LAP3: variants seen among roughly 807,000 people sequenced by gnomAD.
The protein encoded by LAP3 is cytosol aminopeptidase.
In LAP3, 46 loss-of-function variants were observed where a neutral mutation model predicts 58.8. The observed-to-expected ratio is 0.78, with a 90% CI of 0.62 to 1.00. The LOEUF is 1.00. Among genes scored for constraint, LAP3 ranks in the 50% least tolerant of loss-of-function variants. The pLI, the probability that LAP3 is intolerant of heterozygous loss-of-function variation, is 0.00. For missense variants in LAP3, 615 were observed against 659.1 expected (o/e 0.93, Z 0.73); for synonymous variants, 257 against 237.7 (o/e 1.08, Z -0.75).
rs1053641967 is a variant in LAP3, at chr4:17,590,632, C to T, written c.863+1655C>T. ...TGTTGCCCAGGCTGGAGTGCAGTGGCGTAATCTCGGCTCACTGCAAGCTCC... is the reference window on the plus strand; with the variant it reads ...TGTTGCCCAGGCTGGAGTGCAGTGGTGTAATCTCGGCTCACTGCAAGCTCC... On this transcript the variant is annotated intron_variant, in intron 7 of 12. Coordinates refer to ENST00000226299, the MANE Select transcript of LAP3 (RefSeq NM_015907.3). 3.3e-5 allele frequency among the ~76,000 whole-genome samples: 5 copies of T among 151,972 alleles called. No homozygotes were observed. In the East Asian group the frequency reaches 5.8e-4, roughly 18 times the overall value.
In LAP3 at chr4:17,580,061, G is replaced by T. The variant is rs1234539555; in HGVS notation, c.218+122G>T. ...TGCCCAGGCTGGAGTGCAGTGGCACGATCTTGACTCACTTCAACCTCTGCC... is the reference window on the plus strand; with the variant it reads ...TGCCCAGGCTGGAGTGCAGTGGCACTATCTTGACTCACTTCAACCTCTGCC... On this transcript the variant is annotated intron_variant, in intron 2 of 12. Transcript: ENST00000226299. 9.4e-6 allele frequency: 5 copies of T among 529,746 alleles called. No individual in the cohort carries two copies. In the East Asian group the frequency reaches 1.8e-4, roughly 19 times the overall value. 32.8% of individuals were successfully genotyped at this position (529,746 alleles called of 1,614,324 possible).
rs1714188766 is a variant in LAP3, at chr4:17,607,920, T to G, written c.*331T>G. On this transcript the variant is annotated 3_prime_UTR_variant, in exon 13 of 13. Transcript: ENST00000226299. Reference sequence around the variant, plus strand: ...TGTGATGCTAGGAACATGAGCAAACTGAAAATTACTATGCACTTGTCAGAA... The same window carrying G: ...TGTGATGCTAGGAACATGAGCAAACGGAAAATTACTATGCACTTGTCAGAA... 1 of 191,342 alleles carries G rather than the reference T, an allele frequency of 5.2e-6. No individual in the cohort carries two copies. The highest frequency in any genetic ancestry group is 2.4e-5 in the African/African-American group (1 of 42,522). 11.9% of individuals were successfully genotyped at this position (191,342 alleles called of 1,614,324 possible). A position where few individuals can be genotyped will look rare whatever the true frequency, so the allele number is the denominator to read the frequency against.
Position 17,583,537 on chromosome 4 carries a change from GT to G in LAP3, c.435del (p.Cys145TrpfsTer21). The part of the protein sequence containing the change: ...LELSSVEVDP[C>X]GDAQAAAEGA... ...CTCTCGTCTGTGGAGGTGGATCCCT[GT>G]GGAGACGCTCAGGCTGCTGCGGAGG... On this transcript the variant is annotated frameshift_variant, in exon 5 of 13. Coordinates refer to ENST00000226299, the MANE Select transcript of LAP3 (RefSeq NM_015907.3). LOFTEE classifies it high-confidence loss of function. The G allele has an allele frequency of 6.2e-7, 1 of 1,614,192 alleles. No individual in the cohort carries two copies. Among genetic ancestry groups the G allele is most frequent in the Non-Finnish European group, 8.5e-7 (1 of 1,180,038 alleles).
chr4:17,598,571 A>G lies in LAP3; in HGVS notation c.1180+13A>G, dbSNP rs767707726. On this transcript the variant is annotated intron_variant, in intron 10 of 12. Coordinates refer to ENST00000226299, the MANE Select transcript of LAP3 (RefSeq NM_015907.3). ...GCCACCTTAACAGGTCAGACCGCGC[A>G]CTTGCCTTGATTTTGTTTGAAGGAA... 7.6e-6 allele frequency: 12 copies of G among 1,574,928 alleles called. No individual in the cohort carries two copies. The highest frequency in any genetic ancestry group is 8.7e-6 in the Non-Finnish European group (10 of 1,144,636).
At chr4:17,598,859 C>A (rs1270012782) in intron 10 of LAP3, among the ~76,000 whole-genome samples, 1 of 152,014 alleles carries the variant, frequency 6.6e-6, no homozygotes, top group Non-Finnish European at 1.5e-5. Flanking sequence ...GCCTCAGCCT[C>A]CCAAGTAGCT....
chr4:17,606,150 T>C (rs16895296), intron 11 of LAP3, among the ~76,000 whole-genome samples: 3,642 of 152,200 alleles, frequency 0.024, 137 homozygotes, highest in African/African-American at 0.078. Flanking sequence ...AATGTGGTCA[T>C]CCTGTCTCAG....
chr4:17,589,005 A>G, intron 7 of LAP3, 28 bp downstream of exon 7: 1 of 1,597,204 alleles, frequency 6.3e-7, no homozygotes, highest in Non-Finnish European at 8.5e-7. Context: ...CGTGCTTTGT[A>G]TTTTGGTGAA....
At chr4:17,583,351 A>G in intron 4 of LAP3, 132 bp from the exon 5 acceptor site, 1 of 903,400 alleles carries the variant, frequency 1.1e-6, no homozygotes, top group South Asian at 1.6e-5. Flanking sequence ...TGAGGCTCAG[A>G]ACATTCGGGT....
chr4:17,577,454 C>A lies in LAP3; in HGVS notation c.-12C>A. 1 of 1,547,004 alleles carries A rather than the reference C, an allele frequency of 6.5e-7. No homozygotes were observed. The highest frequency in any genetic ancestry group is 8.7e-7 in the Non-Finnish European group (1 of 1,147,148). On this transcript the variant is annotated 5_prime_UTR_variant, in exon 1 of 13. Coordinates refer to ENST00000226299, the MANE Select transcript of LAP3 (RefSeq NM_015907.3). ...CTCGCTGGAGGGCGGTGCGAGGGGCCGAGCCGACAAGATGTTCTTGCTGCC... is the reference window on the plus strand; with the variant it reads ...CTCGCTGGAGGGCGGTGCGAGGGGCAGAGCCGACAAGATGTTCTTGCTGCC...
intron 10 of LAP3, among the ~76,000 whole-genome samples, chr4:17,599,105 A>C (rs10003291): frequency 0.72 from 109,955 of 151,766 alleles, 40,599 homozygotes; most frequent in East Asian, 0.93. Flanking sequence ...ACTCCTGACC[A>C]AGGTGATTCA....
At chr4:17,605,016 G>A (rs940296925) in intron 11 of LAP3, among the ~76,000 whole-genome samples, 6 of 151,940 alleles carry the variant, frequency 3.9e-5, no homozygotes, top group Admixed American at 1.3e-4. Context: ...GTCATATAAG[G>A]GAGTTCACCC....
chr4:17,577,449 G>C lies in LAP3; in HGVS notation c.-17G>C, dbSNP rs1713228371. The C allele has an allele frequency of 6.5e-7, 1 of 1,537,928 alleles. No homozygotes were observed. The highest frequency in any genetic ancestry group is 8.8e-7 in the Non-Finnish European group (1 of 1,141,532). On this transcript the variant is annotated 5_prime_UTR_variant, in exon 1 of 13. Coordinates refer to ENST00000226299, the MANE Select transcript of LAP3 (RefSeq NM_015907.3). ...ACGTGCTCGCTGGAGGGCGGTGCGA[G>C]GGGCCGAGCCGACAAGATGTTCTTG...
rs746681938 is a variant in LAP3 at position 17,604,561 on chromosome 4, C to G, written c.1181-27C>G. 1.9e-6 allele frequency: 3 copies of G among 1,600,736 alleles called. No homozygotes were observed. The Middle Eastern group carries it at 5.0e-4, about 266-fold the overall frequency. Reference sequence around the variant, plus strand: ...GCCCATTTTGCCTGGAGAGACTGCACGTGACCTGAGGGCTTGTGTCTTACA... The same window carrying G: ...GCCCATTTTGCCTGGAGAGACTGCAGGTGACCTGAGGGCTTGTGTCTTACA... On this transcript the variant is annotated intron_variant, in intron 10 of 12. Transcript: ENST00000226299.
At chr4:17,581,697 G>A in intron 2 of LAP3, 63 bp from the exon 3 acceptor site, 1 of 1,257,628 alleles carries the variant, frequency 8.0e-7, no homozygotes. Flanking sequence ...GTATGTAAGT[G>A]TGCCTTCCCA....
At chr4:17,578,515 G>A (rs147260097) in intron 1 of LAP3, among the ~76,000 whole-genome samples, 201 of 146,510 alleles carry the variant, frequency 1.4e-3, no homozygotes, top group Middle Eastern at 0.01. Flanking sequence ...TGCTGGGCGG[G>A]AAGACATCTG....
In LAP3 at chr4:17,584,893, G is replaced by C. The variant is rs183490992; in HGVS notation, c.540-79G>C. The C allele has an allele frequency of 1.6e-4, 217 of 1,373,854 alleles. 2 individuals are homozygous for C. The East Asian group carries it at 5.0e-3, about 32-fold the overall frequency. 85.1% of individuals were successfully genotyped at this position (1,373,854 alleles called of 1,614,324 possible). ...GTCTTCCTCTTTTGTTTTCTGTAAGGTAAGAGTGTCTCTTAGTTGGCAGGC... is the reference window on the plus strand; with the variant it reads ...GTCTTCCTCTTTTGTTTTCTGTAAGCTAAGAGTGTCTCTTAGTTGGCAGGC... On this transcript the variant is annotated intron_variant, in intron 5 of 12. Coordinates refer to ENST00000226299, the MANE Select transcript of LAP3 (RefSeq NM_015907.3).
At chr4:17,589,091 C>A in intron 7 of LAP3, 114 bp downstream of exon 7, 1 of 1,059,852 alleles carries the variant, frequency 9.4e-7, no homozygotes, top group South Asian at 1.6e-5. Context: ...GGCAGAGTCT[C>A]ACCCTGTCAC....
intron 1 of LAP3, 101 bp downstream of exon 1, chr4:17,577,668 G>C: frequency 1.1e-6 from 1 of 894,266 alleles, no homozygotes; most frequent in South Asian, 1.6e-5. Flanking sequence ...GGGCGCCCAA[G>C]CCAAGTTGCA....
At chr4:17,585,215 CT>C (rs1713475454) in intron 6 of LAP3, 79 bp downstream of exon 6, 2 of 1,203,770 alleles carry the variant, frequency 1.7e-6, no homozygotes, top group Non-Finnish European at 2.4e-6. Context: ...AGCTCCCTCA[CT>C]TTTTAGAGGA....
Sources: gnomAD v4.1 joint callset for allele counts (sites outside exome capture counted in the v4.1 genomes callset) on GRCh38, gnomAD v4.1.1 for gene constraint, MANE v1.5 for transcripts, NCBI Gene and HGNC (gene_info 2026-07-23, HGNC 2026-07-21) for gene names.